The following TPO variants were observed in gnomAD, a reference collection of about 807,000 sequenced individuals.
TPO encodes the protein thyroid peroxidase.
In TPO, 78 loss-of-function variants were observed where a neutral mutation model predicts 96.9. The ratio of observed to expected loss-of-function variants is 0.81; its 90% CI spans 0.67 to 0.97. The LOEUF (loss-of-function observed/expected upper bound fraction) is 0.97, where lower values mean the gene tolerates loss of function less well. TPO is among the 50% of genes least tolerant of loss of function. The probability of loss-of-function intolerance (pLI) is 0.00; values close to 1 mark genes in which losing one functional copy is unlikely to be tolerated. For synonymous variants in TPO, 547 were observed against 538.0 expected (o/e 1.02, Z -0.23); for missense variants, 1,252 against 1,274.8 (o/e 0.98, Z 0.27).
At chr2:1,541,998 C>CTCTT (rs983748657) in intron 16 of TPO, 2 of 230,146 alleles carry the variant, frequency 8.7e-6, no homozygotes, top group South Asian at 7.2e-5. Flanking sequence ...GGAAGTGAGG[C>CTCTT]TCTTTGTGAA....
chr2:1,469,706 T>G (rs1669211046), intron 7 of TPO, among the ~76,000 whole-genome samples: 1 of 152,132 alleles, frequency 6.6e-6, no homozygotes, highest in Non-Finnish European at 1.5e-5. Flanking sequence ...CCGGGTAAAG[T>G]CAGAATCTTC....
In TPO at chr2:1,531,506, A is replaced by C. The variant is rs1159514632; in HGVS notation, c.2619-9088A>C. ...CCTCCCGACTCTGTGCAACCTCCCA[A>C]AATTGCCCCCACTGTGTGCAACCTC... On this transcript the variant is annotated intron_variant, in intron 15 of 16. Coordinates refer to ENST00000329066, the MANE Select transcript of TPO (RefSeq NM_001206744.2). 1.5e-4 allele frequency among the ~76,000 whole-genome samples: 10 copies of C among 68,388 alleles called. 1 individual carries two copies. Among genetic ancestry groups the C allele is most frequent in the African/African-American group, 6.0e-4 (7 of 11,756 alleles). The allele number at this position is 68,388 out of a possible 152,430, so 44.9% of individuals were successfully genotyped here. A position where few individuals can be genotyped will look rare whatever the true frequency, so the allele number is the denominator to read the frequency against.
chr2:1,542,765 T>TGC lies in TPO; in HGVS notation c.*292_*293dup. The TGC allele has an allele frequency of 1.3e-6, 1 of 752,776 alleles. No individual in the cohort carries two copies. Among genetic ancestry groups the TGC allele is most frequent in the South Asian group, 1.8e-5 (1 of 54,588 alleles). 46.6% of individuals were successfully genotyped at this position (752,776 alleles called of 1,614,324 possible). A position where few individuals can be genotyped will look rare whatever the true frequency, so the allele number is the denominator to read the frequency against. ...TTGTGAACCCTGGAAACACCACTCT[T>TGC]GCAATCCTCCTGTCTCCACCTTCTG... On this transcript the variant is annotated 3_prime_UTR_variant, in exon 17 of 17. Coordinates refer to ENST00000329066, the MANE Select transcript of TPO (RefSeq NM_001206744.2).
chr2:1,519,609 T>C (rs1675049233), intron 15 of TPO, among the ~76,000 whole-genome samples: 1 of 152,194 alleles, frequency 6.6e-6, no homozygotes, highest in Non-Finnish European at 1.5e-5. Flanking sequence ...TTAAAAACTT[T>C]AATAACTAAT....
At chr2:1,405,349 C>T (rs1662234798) in intron 1 of TPO, among the ~76,000 whole-genome samples, 1 of 151,596 alleles carries the variant, frequency 6.6e-6, no homozygotes, top group Admixed American at 6.6e-5. Context: ...CATCATCCAT[C>T]CACCCACTCG....
intron 7 of TPO, among the ~76,000 whole-genome samples, chr2:1,464,259 C>T (rs934669241): frequency 6.6e-6 from 1 of 152,098 alleles, no homozygotes; most frequent in East Asian, 1.9e-4. Flanking sequence ...AGTATTCCAT[C>T]GTATATAAAA....
chr2:1,473,556 T>A (rs1028304933), intron 7 of TPO, among the ~76,000 whole-genome samples: 3 of 152,244 alleles, frequency 2.0e-5, no homozygotes, highest in African/African-American at 7.2e-5. Context: ...ATATAAACTT[T>A]AAAATTAATT....
intron 14 of TPO, among the ~76,000 whole-genome samples, chr2:1,514,954 C>G: frequency 6.6e-6 from 1 of 152,118 alleles, no homozygotes; most frequent in South Asian, 2.1e-4. Context: ...GGACGTGGCT[C>G]CTCCTCTCAC....
chr2:1,379,873 G>A (rs1197163023), intron 1 of TPO, among the ~76,000 whole-genome samples: 1 of 152,030 alleles, frequency 6.6e-6, no homozygotes, highest in East Asian at 1.9e-4. Flanking sequence ...AGAAATTTAG[G>A]GGCAGGCATG....
At chr2:1,436,531 C>A (rs1448058313) in intron 5 of TPO, 147 bp downstream of exon 5, 17 of 1,215,142 alleles carry the variant, frequency 1.4e-5, no homozygotes, top group Non-Finnish European at 1.9e-5. Flanking sequence ...CCCGACATGG[C>A]CTCCTGCATG....
At chr2:1,523,931 C>A (rs1350130878) in intron 15 of TPO, among the ~76,000 whole-genome samples, 2 of 99,670 alleles carry the variant, frequency 2.0e-5, no homozygotes, top group Admixed American at 1.1e-4. Flanking sequence ...CAAATCCCCC[C>A]TACTGTGTGC....
At chr2:1,470,715 T>C (rs543049799) in intron 7 of TPO, among the ~76,000 whole-genome samples, 11 of 152,188 alleles carry the variant, frequency 7.2e-5, no homozygotes, top group Non-Finnish European at 1.5e-4. Flanking sequence ...GGCATGATTC[T>C]GATGTTTTTC....
chr2:1,497,866 T>G (rs1282789674), intron 13 of TPO, among the ~76,000 whole-genome samples: 2 of 151,772 alleles, frequency 1.3e-5, no homozygotes, highest in Non-Finnish European at 1.5e-5. Context: ...CAGTTTTCAG[T>G]TTTCTCAGAG....
At chr2:1,465,860 C>T (rs1668849346) in intron 7 of TPO, among the ~76,000 whole-genome samples, 2 of 152,174 alleles carry the variant, frequency 1.3e-5, no homozygotes, top group South Asian at 4.1e-4. Context: ...AGTTTGACTT[C>T]CTCTTCGCCG....
chr2:1,374,054 A>G (rs1301957995), upstream of TPO, among the ~76,000 whole-genome samples: 1 of 152,234 alleles, frequency 6.6e-6, no homozygotes, highest in Non-Finnish European at 1.5e-5. Context: ...AACGCCTTGC[A>G]CACTCAGAAA....
intron 8 of TPO, among the ~76,000 whole-genome samples, chr2:1,480,364 C>T (rs578145979): frequency 1.6e-4 from 25 of 152,124 alleles, no homozygotes; most frequent in South Asian, 2.1e-4. Context: ...GACTTCTAGC[C>T]GTATTTGAAA....
chr2:1,500,953 C>G (rs1308496008), intron 13 of TPO, among the ~76,000 whole-genome samples: 4 of 139,468 alleles, frequency 2.9e-5, no homozygotes, highest in African/African-American at 5.4e-5. Flanking sequence ...GCCTGGGCAA[C>G]AGAGTGAGAC....
At chr2:1,439,061 G>T (rs1665897672) in intron 5 of TPO, 1 of 527,684 alleles carries the variant, frequency 1.9e-6, no homozygotes, top group South Asian at 3.0e-5. Flanking sequence ...AAAATGTATT[G>T]TGCCTAAGTT....
intron 7 of TPO, among the ~76,000 whole-genome samples, chr2:1,470,442 A>G (rs1669290233): frequency 6.6e-6 from 1 of 151,916 alleles, no homozygotes; most frequent in East Asian, 1.9e-4. Context: ...TCATAAATTT[A>G]GGTCGATTTT....
Sources: allele counts gnomAD v4.1 joint callset (sites outside exome capture counted in the v4.1 genomes callset), GRCh38; gene constraint gnomAD v4.1.1; transcripts MANE v1.5; gene names NCBI Gene and HGNC (gene_info 2026-07-23, HGNC 2026-07-21).